PPP1R1A: variants seen among roughly 807,000 people sequenced by gnomAD.
The protein encoded by PPP1R1A is protein phosphatase 1 regulatory subunit 1A.
In PPP1R1A, 18 loss-of-function variants were observed where a neutral mutation model predicts 23.9. The observed-to-expected ratio is 0.75, with a 90% CI of 0.52 to 1.12. The LOEUF (loss-of-function observed/expected upper bound fraction) is 1.12, where lower values mean the gene tolerates loss of function less well. Ranked by LOEUF, PPP1R1A falls within the 50% of genes most tolerant of loss-of-function variation. PPP1R1A has a pLI of 0.00. For synonymous variants in PPP1R1A, 84 were observed against 80.7 expected (o/e 1.04, Z -0.22); for missense variants, 207 against 223.8 (o/e 0.92, Z 0.48).
rs746924832 is a variant in PPP1R1A at position 54,583,295 on chromosome 12, G to C, written c.146-47C>G. ...GAGGGTGATAAGGACAGGAAACCAG[G>C]GATCCCCATAGAGCTGACTTCTCAG... On this transcript the variant is annotated intron_variant, in intron 2 of 6. Coordinates refer to ENST00000257905, the MANE Select transcript of PPP1R1A (RefSeq NM_006741.4). 9.7e-6 allele frequency: 14 copies of C among 1,444,210 alleles called. No homozygotes were observed. The African/African-American group carries it at 2.1e-4, about 21-fold the overall frequency. The allele number at this position is 1,444,210 out of a possible 1,614,324, so 89.5% of individuals were successfully genotyped here. A position where few individuals can be genotyped will look rare whatever the true frequency, so the allele number is the denominator to read the frequency against.
At chr12:54,583,089 T>C in intron 3 of PPP1R1A, 122 bp downstream of exon 3, 5 of 1,044,530 alleles carry the variant, frequency 4.8e-6, no homozygotes, top group East Asian at 2.7e-5. Flanking sequence ...ATTTGGGGGG[T>C]AGAGGTACAG....
At chr12:54,588,269 C>T (rs1030833343) in intron 1 of PPP1R1A, 136 bp downstream of exon 1, 3 of 317,200 alleles carry the variant, frequency 9.5e-6, no homozygotes, top group Non-Finnish European at 1.7e-5. Flanking sequence ...CCCCCCCGCC[C>T]CCCGCAAACT....
chr12:54,581,951 G>A lies in PPP1R1A; in HGVS notation c.403+25C>T. On this transcript the variant is annotated intron_variant, in intron 5 of 6. Transcript: ENST00000257905. The surrounding 1 kb of genome is among the most constrained non-coding windows in gnomAD (Gnocchi z 4.1). ...TGCTGGGCTGGGAAATAGGATGCCT[G>A]GGGCCCTCCCCAGCCTGAACATACT... 6.3e-7 allele frequency: 1 copy of A among 1,592,658 alleles called. No homozygotes were observed. The highest frequency in any genetic ancestry group is 2.3e-5 in the East Asian group (1 of 44,328).
chr12:54,582,264 A>C, intron 4 of PPP1R1A, 133 bp from the exon 5 acceptor site: 1 of 940,604 alleles, frequency 1.1e-6, no homozygotes, highest in Non-Finnish European at 1.5e-6. Context: ...ATCCACTGAG[A>C]TCTGAACAAG....
At position 54,587,396 on chromosome 12, in the gene PPP1R1A, A is replaced by G. The variant is rs374894505; in HGVS notation, c.84+1009T>C. On this transcript the variant is annotated intron_variant, in intron 1 of 6. Coordinates refer to ENST00000257905, the MANE Select transcript of PPP1R1A (RefSeq NM_006741.4). ...TTTAGGAATGGGAATGTCTAGGCAA[A>G]TGGACAGAGATTACAAAGAGATGGA... 8.5e-5 allele frequency among the ~76,000 whole-genome samples: 13 copies of G among 152,212 alleles called. No homozygotes were observed. The East Asian group carries it at 2.3e-3, about 27-fold the overall frequency.
At position 54,579,587 on chromosome 12, in the gene PPP1R1A, A is replaced by G; in HGVS notation, c.*800T>C. On this transcript the variant is annotated 3_prime_UTR_variant, in exon 7 of 7. Transcript: ENST00000257905. ...GAGGCCTGGCCGTGAGATCTGAGAC[A>G]GTTTCTTCTCTTATGCTTGGTTTTG... 1 of 985,420 alleles carries G rather than the reference A, an allele frequency of 1.0e-6. No homozygotes were observed. The highest frequency in any genetic ancestry group is 6.1e-5 in the Admixed American group (1 of 16,288). 61.0% of individuals were successfully genotyped at this position (985,420 alleles called of 1,614,324 possible). A position where few individuals can be genotyped will look rare whatever the true frequency, so the allele number is the denominator to read the frequency against.
rs2292490 is a variant in PPP1R1A, at chr12:54,584,141, T to A, written c.145+119A>T. 4.7e-5 allele frequency: 48 copies of A among 1,029,000 alleles called. No individual in the cohort carries two copies. In the African/African-American group the frequency reaches 6.4e-4, roughly 14 times the overall value. 63.7% of individuals were successfully genotyped at this position (1,029,000 alleles called of 1,614,324 possible). A position where few individuals can be genotyped will look rare whatever the true frequency, so the allele number is the denominator to read the frequency against. On this transcript the variant is annotated intron_variant, in intron 2 of 6. Transcript: ENST00000257905. ...CTAGCCACCACCTTCCTGCCTTCAG[T>A]ACTGAGGACATCCCCGCCTTCTCAG... is the stretch of plus-strand genomic sequence containing the variant.
intron 1 of PPP1R1A, among the ~76,000 whole-genome samples, chr12:54,586,467 A>T (rs369121787): frequency 6.6e-6 from 1 of 152,118 alleles, no homozygotes; most frequent in Non-Finnish European, 1.5e-5. Context: ...CATGCCAAGG[A>T]TCTGGAAGCT....
chr12:54,588,105 T>C (rs554527720), intron 1 of PPP1R1A, among the ~76,000 whole-genome samples: 1 of 151,804 alleles, frequency 6.6e-6, no homozygotes, highest in Non-Finnish European at 1.5e-5. Flanking sequence ...GGAGGGGTCG[T>C]GTCCTCAAGC....
intron 2 of PPP1R1A, 59 bp downstream of exon 2, chr12:54,584,201 A>AT (rs1957885904): frequency 6.8e-7 from 1 of 1,467,828 alleles, no homozygotes; most frequent in South Asian, 1.2e-5. Context: ...CCATCTTCTC[A>AT]TTGGGACCTG....
chr12:54,583,134 G>A (rs1957874219), intron 3 of PPP1R1A, 77 bp downstream of exon 3: 7 of 1,430,398 alleles, frequency 4.9e-6, no homozygotes, highest in South Asian at 4.2e-5. Flanking sequence ...AGAGATGGGC[G>A]GCAGGGTTTT....
chr12:54,579,340 A>G lies in PPP1R1A; in HGVS notation c.*1047T>C. ...ATCTGGGTGAGGCGTTCTCCCTCAT[A>G]TATATATATATATATATTTAGGTAT... On this transcript the variant is annotated 3_prime_UTR_variant, in exon 7 of 7. Transcript: ENST00000257905. 1 of 333,324 alleles carries G rather than the reference A, an allele frequency of 3.0e-6. No homozygotes were observed. Among genetic ancestry groups the G allele is most frequent in the Non-Finnish European group, 3.3e-6 (1 of 300,556 alleles). The allele number at this position is 333,324 out of a possible 1,614,324, so 20.6% of individuals were successfully genotyped here.
chr12:54,585,586 G>A (rs1957902002), intron 1 of PPP1R1A, among the ~76,000 whole-genome samples: 1 of 152,160 alleles, frequency 6.6e-6, no homozygotes, highest in South Asian at 2.1e-4. Flanking sequence ...GCTGGGAAAA[G>A]GGCTAGAATT....
At chr12:54,585,096 C>G (rs569161104) in intron 1 of PPP1R1A, among the ~76,000 whole-genome samples, 47 of 152,316 alleles carry the variant, frequency 3.1e-4, no homozygotes, top group Non-Finnish European at 4.1e-4. Context: ...AAGCGCCCCC[C>G]AGCCTGGGAG....
chr12:54,580,235 T>C lies in PPP1R1A; in HGVS notation c.*152A>G. 8 of 1,450,342 alleles carry C rather than the reference T, an allele frequency of 5.5e-6. No homozygotes were observed. The highest frequency in any genetic ancestry group is 7.3e-6 in the Non-Finnish European group (8 of 1,096,190). The allele number at this position is 1,450,342 out of a possible 1,614,324, so 89.8% of individuals were successfully genotyped here. On this transcript the variant is annotated 3_prime_UTR_variant, in exon 7 of 7. Transcript: ENST00000257905. ...AGGCAGGGAGAAAGGATTCTCCCAG[T>C]TGGAAAAGAAGGAAAGTGCCAAGGA...
In PPP1R1A at chr12:54,584,673, C is replaced by T. The variant is rs148076025; in HGVS notation, c.85-353G>A. On this transcript the variant is annotated intron_variant, in intron 1 of 6. Coordinates refer to ENST00000257905, the MANE Select transcript of PPP1R1A (RefSeq NM_006741.4). ...GGGTCAATCATATCCCAGACTTCAG[C>T]ACCATGTAATAAACCTTTGTAACAA... Among the ~76,000 whole-genome samples, 14 of 152,146 alleles carry T rather than the reference C, an allele frequency of 9.2e-5. No individual in the cohort carries two copies. In the East Asian group the frequency reaches 2.5e-3, roughly 27 times the overall value.
chr12:54,586,755 T>G (rs1957915858), intron 1 of PPP1R1A, among the ~76,000 whole-genome samples: 1 of 152,138 alleles, frequency 6.6e-6, no homozygotes, highest in African/African-American at 2.4e-5. Context: ...CCTAGATCCC[T>G]GAACCAGCTG....
Position 54,579,992 on chromosome 12 carries a change from C to G in PPP1R1A, c.*395G>C. ...GGCCTGTGAGGTGGTCGGATCGTTC[C>G]TCAATAAGAAAAGAGAACCTGGGGC... On this transcript the variant is annotated 3_prime_UTR_variant, in exon 7 of 7. Transcript: ENST00000257905. 6 of 1,007,796 alleles carry G rather than the reference C, an allele frequency of 6.0e-6. No individual in the cohort carries two copies. The highest frequency in any genetic ancestry group is 5.9e-6 in the Non-Finnish European group (5 of 843,350). The allele number at this position is 1,007,796 out of a possible 1,614,324, so 62.4% of individuals were successfully genotyped here.
intron 1 of PPP1R1A, among the ~76,000 whole-genome samples, chr12:54,584,717 CT>C (rs1456248739): frequency 1.3e-5 from 2 of 151,934 alleles, no homozygotes; most frequent in South Asian, 2.1e-4. Flanking sequence ...ATGTACCCCC[CT>C]GAATCTAAAA....
Sources: allele counts gnomAD v4.1 joint callset (sites outside exome capture counted in the v4.1 genomes callset), GRCh38; gene constraint gnomAD v4.1.1; non-coding constraint Gnocchi (gnomAD v3.1); transcripts MANE v1.5; gene names NCBI Gene and HGNC (gene_info 2026-07-23, HGNC 2026-07-21).